PRKCA: variants seen among roughly 807,000 people sequenced by gnomAD.
PRKCA encodes protein kinase C alpha type.
PRKCA carries 27 observed loss-of-function variants against 87.0 expected under a neutral mutation model. The ratio of observed to expected loss-of-function variants is 0.31; its 90% CI spans 0.23 to 0.43. PRKCA has a LOEUF of 0.43. Ranked by LOEUF, PRKCA falls within the 20% of genes least tolerant of loss-of-function variation. The pLI, the probability that PRKCA is intolerant of heterozygous loss-of-function variation, is 1.00. For missense variants in PRKCA, 518 were observed against 852.3 expected (o/e 0.61, Z 4.88); for synonymous variants, 329 against 311.1 (o/e 1.06, Z -0.61).
chr17:66,536,748 G>T (rs531146537), intron 3 of PRKCA, among the ~76,000 whole-genome samples: 1 of 152,184 alleles, frequency 6.6e-6, no homozygotes, highest in Non-Finnish European at 1.5e-5. Flanking sequence ...CTCTTCTCCC[G>T]TGGGAATTGC....
At chr17:66,618,122 A>T (rs1970563902) in intron 3 of PRKCA, among the ~76,000 whole-genome samples, 1 of 152,150 alleles carries the variant, frequency 6.6e-6, no homozygotes, top group Non-Finnish European at 1.5e-5. Context: ...TCGGAGGCCG[A>T]GGTGGGTGGA....
At chr17:66,386,179 T>C (rs1453367232) in intron 2 of PRKCA, among the ~76,000 whole-genome samples, 1 of 152,234 alleles carries the variant, frequency 6.6e-6, no homozygotes, top group Non-Finnish European at 1.5e-5. Flanking sequence ...TGCCCTACAT[T>C]ATATCATCCT....
rs181195413 is a variant in PRKCA at position 66,428,793 on chromosome 17, C to A, written c.206-67408C>A. Among the ~76,000 whole-genome samples the A allele has an allele frequency of 1.8e-3, 278 of 152,164 alleles. 1 individual carries two copies. The highest frequency in any genetic ancestry group is 5.9e-3 in the African/African-American group (245 of 41,518). On this transcript the variant is annotated intron_variant, in intron 2 of 16. Coordinates refer to ENST00000413366, the MANE Select transcript of PRKCA (RefSeq NM_002737.3). ...TGCCGGGATTATAGGTGTGAGCCAC[C>A]GCGCCCAGCCTGAAAATCTTGAAGG...
intron 2 of PRKCA, among the ~76,000 whole-genome samples, chr17:66,341,128 C>A (rs978124520): frequency 9.9e-5 from 15 of 152,106 alleles, no homozygotes; most frequent in Non-Finnish European, 2.2e-4. Context: ...GGATACATTG[C>A]CGAATCAAAA....
In PRKCA at chr17:66,360,119, A is replaced by G. The variant is rs149488690; in HGVS notation, c.205+53992A>G. Reference sequence around the variant, plus strand: ...GAAGTATCATAAAAACCATTCTTTCACAATAACTTTTCCACTCAAACATCG... The same window carrying G: ...GAAGTATCATAAAAACCATTCTTTCGCAATAACTTTTCCACTCAAACATCG... On this transcript the variant is annotated intron_variant, in intron 2 of 16. Transcript: ENST00000413366. Among the ~76,000 whole-genome samples the G allele has an allele frequency of 6.6e-5, 10 of 152,306 alleles. No homozygotes were observed. The East Asian group carries it at 1.5e-3, about 24-fold the overall frequency.
chr17:66,421,436 T>G (rs1282511217), intron 2 of PRKCA, among the ~76,000 whole-genome samples: 1 of 151,620 alleles, frequency 6.6e-6, no homozygotes, highest in Non-Finnish European at 1.5e-5. Context: ...CTGTTTTTTT[T>G]TTTTTTTTTT....
intron 3 of PRKCA, among the ~76,000 whole-genome samples, chr17:66,594,317 G>A (rs1969905475): frequency 6.6e-6 from 1 of 152,180 alleles, no homozygotes; most frequent in African/African-American, 2.4e-5. Context: ...GTTGGGTGGG[G>A]TGGTCTAAGG....
chr17:66,586,152 A>G (rs1479059973), intron 3 of PRKCA, among the ~76,000 whole-genome samples: 1 of 152,134 alleles, frequency 6.6e-6, no homozygotes, highest in Non-Finnish European at 1.5e-5. Flanking sequence ...TGCCATTGCT[A>G]TGGCACCATA....
At chr17:66,648,036 G>A (rs531663908) in intron 5 of PRKCA, among the ~76,000 whole-genome samples, 4 of 152,274 alleles carry the variant, frequency 2.6e-5, no homozygotes, top group Admixed American at 1.3e-4. Flanking sequence ...TGGAAGCTGG[G>A]AAGTACAAGA....
intron 2 of PRKCA, among the ~76,000 whole-genome samples, chr17:66,387,038 G>T (rs1910100381): frequency 6.6e-6 from 1 of 152,168 alleles, no homozygotes; most frequent in African/African-American, 2.4e-5. Context: ...AGAGAGTAAA[G>T]GTTACTTCCT....
At chr17:66,671,604 A>G (rs1049006996) in intron 5 of PRKCA, among the ~76,000 whole-genome samples, 2 of 151,994 alleles carry the variant, frequency 1.3e-5, no homozygotes, top group Non-Finnish European at 2.9e-5. Context: ...GCGATATCCT[A>G]TGAATGAGAC....
intron 14 of PRKCA, 162 bp downstream of exon 14, chr17:66,774,229 G>C: frequency 6.7e-7 from 1 of 1,486,810 alleles, no homozygotes; most frequent in South Asian, 1.3e-5. Context: ...CTTCAAAGTG[G>C]ATCACGTTCA....
chr17:66,576,019 C>G (rs1043893042), intron 3 of PRKCA, among the ~76,000 whole-genome samples: 2 of 152,110 alleles, frequency 1.3e-5, no homozygotes, highest in Admixed American at 6.5e-5. Context: ...GAGGCTGAGG[C>G]AGGAGAAGTG....
chr17:66,700,021 G>A (rs1022139431), intron 8 of PRKCA, among the ~76,000 whole-genome samples: 8 of 152,126 alleles, frequency 5.3e-5, no homozygotes, highest in African/African-American at 1.9e-4. Flanking sequence ...AAAATTAAAG[G>A]CCAATATATC....
intron 14 of PRKCA, chr17:66,777,667 C>T (rs1975090554): frequency 2.0e-6 from 2 of 985,208 alleles, no homozygotes; most frequent in Non-Finnish European, 1.2e-6. Flanking sequence ...CCCTCTTGAT[C>T]CCACTTGAAT....
chr17:66,418,123 C>A (rs1451595349), intron 2 of PRKCA, among the ~76,000 whole-genome samples: 1 of 152,024 alleles, frequency 6.6e-6, no homozygotes, highest in Non-Finnish European at 1.5e-5. Flanking sequence ...TTTGGAAGGA[C>A]GTGCAGGTGT....
intron 2 of PRKCA, among the ~76,000 whole-genome samples, chr17:66,407,777 T>C (rs2143722909): frequency 6.6e-6 from 1 of 152,362 alleles, no homozygotes; most frequent in Middle Eastern, 3.4e-3. Context: ...AAAAGTGTTG[T>C]ATTTTATGGT....
chr17:66,691,477 A>G (rs989967068), intron 8 of PRKCA, among the ~76,000 whole-genome samples: 1 of 152,166 alleles, frequency 6.6e-6, no homozygotes, highest in Non-Finnish European at 1.5e-5. Flanking sequence ...TGCCAGGCAT[A>G]GCTCCTTTTC....
intron 8 of PRKCA, among the ~76,000 whole-genome samples, chr17:66,697,316 T>C (rs1269547578): frequency 6.6e-6 from 1 of 152,210 alleles, no homozygotes; most frequent in Non-Finnish European, 1.5e-5. Context: ...TTCACCATCA[T>C]TCCCCTGTAG....
Sources: gnomAD v4.1 joint callset for allele counts (sites outside exome capture counted in the v4.1 genomes callset) on GRCh38, gnomAD v4.1.1 for gene constraint, MANE v1.5 for transcripts, NCBI Gene and HGNC (gene_info 2026-07-23, HGNC 2026-07-21) for gene names.